The following PCDH15 variants were observed in gnomAD, a reference collection of about 807,000 sequenced individuals.
PCDH15 encodes the protein protocadherin related 15, also known as protocadherin-15.
A neutral mutation model predicts 178.5 loss-of-function variants in PCDH15; 129 were observed. The ratio of observed to expected loss-of-function variants is 0.72; its 90% confidence interval spans 0.63 to 0.84. PCDH15 has a LOEUF of 0.84. Among genes scored for constraint, PCDH15 ranks in the 40% least tolerant of loss-of-function variants. PCDH15 has a pLI of 0.00. For missense variants in PCDH15, 2,230 were observed against 2,099.9 expected (o/e 1.06, Z -1.21); for synonymous variants, 800 against 732.0 (o/e 1.09, Z -1.50).
At position 55,537,411 on chromosome 10, in the gene PCDH15, TTATG is replaced by T. The variant is rs539616680; in HGVS notation, c.-156+90210_-156+90213del. On this transcript the variant is annotated intron_variant, in intron 2 of 5. Transcript: ENST00000613346. ...TATTTATTTTATTTTATTTATGTAT[TTATG>T]TATGTATGTATGTATGTATGTATTT... Among the ~76,000 whole-genome samples the T allele has an allele frequency of 6.0e-4, 91 of 150,794 alleles. No homozygotes were observed. In the South Asian group the frequency reaches 0.01, roughly 17 times the overall value.
At chr10:55,572,696 G>A (rs1253384004) in intron 2 of PCDH15, among the ~76,000 whole-genome samples, 4 of 151,964 alleles carry the variant, frequency 2.6e-5, no homozygotes, top group African/African-American at 9.7e-5. Flanking sequence ...GGTGTTGAGG[G>A]CAATATTTCA....
intron 2 of PCDH15, among the ~76,000 whole-genome samples, chr10:55,159,370 T>A (rs1364892314): frequency 3.8e-4 from 1 of 2,614 alleles, no homozygotes; most frequent in Non-Finnish European, 6.6e-3. Flanking sequence ...TCTATCTATC[T>A]ATATATATAT....
Position 55,128,047 on chromosome 10 carries a change from C to G in PCDH15, c.-80+38529G>C, listed in dbSNP as rs563626230. ...CTTTCCCCAGGCAATAATCTAAAGA[C>G]AGCTTAGATTTAGAGAGTGTAGATA... On this transcript the variant is annotated intron_variant, in intron 2 of 5. Coordinates refer to the PCDH15 transcript ENST00000458638. Among the ~76,000 whole-genome samples, 444 of 152,126 alleles carry G rather than the reference C, an allele frequency of 2.9e-3. 4 individuals carry two copies. Among genetic ancestry groups the G allele is most frequent in the South Asian group, 9.5e-3 (46 of 4,822 alleles).
In PCDH15 at chr10:54,601,992, G is replaced by A. The variant is rs1209498260; in HGVS notation, c.91+62180C>T. On this transcript the variant is annotated intron_variant, in intron 2 of 37. Transcript: ENST00000644397. ...ACAGTGAGGCCAACCAGAAGGTGGA[G>A]GGTAAGAGGGAGAGGATCTGAAAAA... is the stretch of plus-strand genomic sequence containing the variant. 2.0e-5 allele frequency among the ~76,000 whole-genome samples: 3 copies of A among 151,874 alleles called. 1 individual carries two copies.
intron 25 of PCDH15, among the ~76,000 whole-genome samples, chr10:53,925,154 A>G (rs2084398152): frequency 6.6e-6 from 1 of 152,094 alleles, no homozygotes; most frequent in African/African-American, 2.4e-5. Context: ...CACTCTTTGG[A>G]ATAAATCTTG....
intron 34 of PCDH15, 43 bp from the exon 35 acceptor site, chr10:53,816,320 T>G (rs1389833115): frequency 2.5e-6 from 1 of 398,404 alleles, no homozygotes. Flanking sequence ...AGAAAATAAT[T>G]CAGATGGGAA....
At chr10:55,125,756 T>A (rs1837883582) in intron 2 of PCDH15, among the ~76,000 whole-genome samples, 1 of 152,104 alleles carries the variant, frequency 6.6e-6, no homozygotes, top group East Asian at 1.9e-4. Flanking sequence ...GTATTTTCCA[T>A]ATAGAGTAGC....
chr10:54,980,245 T>C (rs1457233948), intron 2 of PCDH15, among the ~76,000 whole-genome samples: 1 of 152,196 alleles, frequency 6.6e-6, no homozygotes, highest in African/African-American at 2.4e-5. Flanking sequence ...AAAAGAAAGA[T>C]TAATGTGCTC....
At chr10:53,996,290 C>T (rs2174716) in intron 20 of PCDH15, among the ~76,000 whole-genome samples, 99,369 of 151,900 alleles carry the variant, frequency 0.65, 32,606 homozygotes, top group South Asian at 0.72. Flanking sequence ...TTCTCTGCAG[C>T]GCACTAAAAT....
intron 1 of PCDH15, among the ~76,000 whole-genome samples, chr10:55,288,303 G>GA (rs1189978408): frequency 6.6e-6 from 1 of 151,012 alleles, no homozygotes; most frequent in Admixed American, 6.7e-5. Context: ...CGTATTGTAG[G>GA]ATGTAAGCAT....
At chr10:54,659,612 G>T (rs186410102) in intron 2 of PCDH15, among the ~76,000 whole-genome samples, 8 of 151,928 alleles carry the variant, frequency 5.3e-5, no homozygotes, top group African/African-American at 1.9e-4. Flanking sequence ...AATTAGCTGG[G>T]TGTTAGTGGG....
intron 1 of PCDH15, among the ~76,000 whole-genome samples, chr10:54,785,704 G>A (rs1950799738): frequency 6.6e-6 from 1 of 151,958 alleles, no homozygotes; most frequent in Non-Finnish European, 1.5e-5. Flanking sequence ...AGACAAGGGG[G>A]AAAAAAGCAT....
At chr10:54,567,042 TTA>T (rs2089152345) in intron 2 of PCDH15, among the ~76,000 whole-genome samples, 1 of 152,134 alleles carries the variant, frequency 6.6e-6, no homozygotes, top group Admixed American at 6.6e-5. Context: ...GTGTGTAGTG[TTA>T]TCTCATTATT....
intron 2 of PCDH15, among the ~76,000 whole-genome samples, chr10:55,538,494 TTTCC>T (rs1447141248): frequency 3.9e-5 from 3 of 77,886 alleles, no homozygotes; most frequent in Admixed American, 1.4e-4. Flanking sequence ...TCCTTCCTCC[TTTCC>T]TTCCTTCCTT....
chr10:55,453,738 C>T (rs1278482995), intron 2 of PCDH15, among the ~76,000 whole-genome samples: 1 of 152,062 alleles, frequency 6.6e-6, no homozygotes, highest in Admixed American at 6.6e-5. Context: ...CTCCCAATTC[C>T]AATTCCAAGC....
intron 2 of PCDH15, among the ~76,000 whole-genome samples, chr10:55,541,674 GGT>G (rs1841762566): frequency 6.6e-6 from 1 of 151,792 alleles, no homozygotes; most frequent in Non-Finnish European, 1.5e-5. Context: ...ACTATCCACA[GGT>G]TTTTTCAATA....
chr10:54,171,127 A>G (rs1590939533), intron 13 of PCDH15, among the ~76,000 whole-genome samples: 1 of 152,092 alleles, frequency 6.6e-6, no homozygotes, highest in Admixed American at 6.6e-5. Context: ...ATAATTCCTC[A>G]GTTTAGCCTT....
chr10:54,175,864 A>G (rs1054678957), intron 13 of PCDH15, among the ~76,000 whole-genome samples: 3 of 152,212 alleles, frequency 2.0e-5, no homozygotes, highest in Non-Finnish European at 4.4e-5. Flanking sequence ...CCTATGATAT[A>G]GAATAACTAC....
At chr10:54,550,505 T>A (rs2133166571) in intron 2 of PCDH15, among the ~76,000 whole-genome samples, 1 of 152,178 alleles carries the variant, frequency 6.6e-6, no homozygotes, top group African/African-American at 2.4e-5. Context: ...TGTGTGTGTG[T>A]GTGTCACATG....
Sources: gnomAD v4.1 joint callset for allele counts (sites outside exome capture counted in the v4.1 genomes callset) on GRCh38, gnomAD v4.1.1 for gene constraint, MANE v1.5 for transcripts, NCBI Gene and HGNC (gene_info 2026-07-23, HGNC 2026-07-21) for gene names.